Variants in ANKRD26 observed in about 807,000 individuals in gnomAD.
ANKRD26 encodes ankyrin repeat domain-containing protein 26.
ANKRD26 carries 141 observed loss-of-function variants against 208.7 expected under a neutral mutation model. That is an observed-to-expected ratio of 0.68 (90% CI 0.59 to 0.78). ANKRD26 has a LOEUF of 0.78. Among genes scored for constraint, ANKRD26 ranks in the 30% least tolerant of loss-of-function variants. The pLI is 0.00. For synonymous variants in ANKRD26, 636 were observed against 660.4 expected (o/e 0.96, Z 0.57); for missense variants, 1,889 against 1,938.7 (o/e 0.97, Z 0.48).
Position 27,035,363 on chromosome 10 carries a change from T to C in ANKRD26, c.3087A>G (p.Glu1029=), listed in dbSNP as rs1406853264. Residue 1029 remains glutamate, a synonymous_variant, in exon 24 of 34, where the codon GAA becomes GAG. Transcript: ENST00000376087. ...DRDQSETSKR[E]LELAFQRARD... ...TTGCTCTCTGGAAAGCAAGTTCTAG[T>C]TCTCTTTTTGATGTCTCACTTTGAT... The C allele has an allele frequency of 1.9e-6, 3 of 1,613,832 alleles. No individual in the cohort carries two copies. The highest frequency in any genetic ancestry group is 2.5e-6 in the Non-Finnish European group (3 of 1,179,934).
At chr10:27,060,585 CAA>C in intron 13 of ANKRD26, 45 bp from the exon 14 acceptor site, 5 of 1,333,648 alleles carry the variant, frequency 3.7e-6, no homozygotes, top group South Asian at 1.2e-5. Context: ...ATAAATATGA[CAA>C]AGTCAATCAT....
intron 5 of ANKRD26, among the ~76,000 whole-genome samples, chr10:26,979,734 C>T (rs1251476887): frequency 6.6e-6 from 1 of 152,188 alleles, no homozygotes; most frequent in Non-Finnish European, 1.5e-5. Context: ...CACCCCTAGT[C>T]TTCCTGAGTT....
At position 27,035,676 on chromosome 10, in the gene ANKRD26, C is replaced by T; in HGVS notation, c.2774G>A (p.Arg925Lys). 2 of 1,602,146 alleles carry T rather than the reference C, an allele frequency of 1.2e-6. No individual in the cohort carries two copies. The highest frequency in any genetic ancestry group is 2.2e-5 in the East Asian group (1 of 44,758). The change falls in exon 24 of 34, where the codon AGA becomes AAA. Residue 925 changes from arginine (R) to lysine (K), a missense_variant. Arg to Lys is a conservative substitution (Grantham distance 26). Coordinates refer to ENST00000376087, the MANE Select transcript of ANKRD26 (RefSeq NM_014915.3). ...ATTTTTTATTGTGTCTATTTCTAGT[C>T]TTAGCATAGCAATTTCTTCCTGCAA... ...SMLQEEIAML[R>K]LEIDTIKNQN...
At chr10:27,029,872 C>T (rs963934397) in intron 25 of ANKRD26, among the ~76,000 whole-genome samples, 1 of 152,068 alleles carries the variant, frequency 6.6e-6, no homozygotes, top group Admixed American at 6.6e-5. Flanking sequence ...CACACAGAAG[C>T]GGGAATGGCC....
At chr10:26,950,312 C>A in the ANKRD26 span, among the ~76,000 whole-genome samples, 1 of 152,376 alleles carries the variant, frequency 6.6e-6, no homozygotes, top group African/African-American at 2.4e-5. Flanking sequence ...TTCTCCTTCA[C>A]CCTCTGTGAT....
At chr10:27,058,916 T>C (rs1416542878) in intron 15 of ANKRD26, among the ~76,000 whole-genome samples, 1 of 96,168 alleles carries the variant, frequency 1.0e-5, no homozygotes, top group African/African-American at 2.8e-5. Flanking sequence ...TGTTTTTTGT[T>C]TTTTTGTTTT....
At chr10:27,051,686 G>A (rs942221625) in intron 16 of ANKRD26, 3 of 985,228 alleles carry the variant, frequency 3.0e-6, no homozygotes, top group Admixed American at 6.2e-5. Flanking sequence ...GAAATGAAAA[G>A]CCATTTTCGA....
At chr10:26,987,165 C>A, downstream of ANKRD26, among the ~76,000 whole-genome samples, 1 of 151,938 alleles carries the variant, frequency 6.6e-6, no homozygotes. Context: ...TCATTCTCAG[C>A]AAACTATTGC....
chr10:27,046,585 C>G, intron 17 of ANKRD26, 62 bp from the exon 18 acceptor site: 2 of 1,497,388 alleles, frequency 1.3e-6, no homozygotes, highest in Non-Finnish European at 1.8e-6. Context: ...AAACAACATG[C>G]AGAAAGAGAG....
chr10:27,023,609 G>T (rs1162219049), intron 28 of ANKRD26, among the ~76,000 whole-genome samples: 2 of 152,086 alleles, frequency 1.3e-5, no homozygotes, highest in African/African-American at 4.8e-5. Context: ...AGACACAAAG[G>T]CTGCTTTCAG....
chr10:27,080,696 T>C, intron 6 of ANKRD26: 1 of 985,494 alleles, frequency 1.0e-6, no homozygotes, highest in Non-Finnish European at 1.2e-6. Flanking sequence ...CTTTAAGTCT[T>C]CAGCCTATGA....
At position 27,060,341 on chromosome 10, in the gene ANKRD26, T is replaced by C. The variant is rs780515137; in HGVS notation, c.1564+4A>G. 6.3e-7 allele frequency: 1 copy of C among 1,597,514 alleles called. No individual in the cohort carries two copies. Among genetic ancestry groups the C allele is most frequent in the East Asian group, 2.2e-5 (1 of 44,676 alleles). ...CAAGATTAAATATATATTGCAACAT[T>C]TACCTGCTTTGGATGTTTGTACATC... On this transcript the variant is annotated splice_donor_region_variant and intron_variant, in intron 15 of 33. Transcript: ENST00000376087.
rs962803284 is a variant in ANKRD26, at chr10:27,077,757, C to T, written c.814-64G>A. 5.9e-6 allele frequency: 8 copies of T among 1,365,602 alleles called. 1 individual carries two copies. The highest frequency in any genetic ancestry group is 5.0e-4 in the Middle Eastern group (2 of 4,038). The allele number at this position is 1,365,602 out of a possible 1,614,324, so 84.6% of individuals were successfully genotyped here. A position where few individuals can be genotyped will look rare whatever the true frequency, so the allele number is the denominator to read the frequency against. ...CAAGTATCAAATTTGATAAAATAAT[C>T]GTAATAGATAGTCACCATTACTACA... is the stretch of plus-strand genomic sequence containing the variant. On this transcript the variant is annotated intron_variant, in intron 7 of 33. Transcript: ENST00000376087.
rs1366091149 is a variant in ANKRD26, at chr10:27,092,482, T to G, written c.562A>C (p.Ser188Arg). The G allele has an allele frequency of 6.2e-7, 1 of 1,613,658 alleles. No individual in the cohort carries two copies. The highest frequency in any genetic ancestry group is 1.1e-5 in the South Asian group (1 of 91,074). Residue 188 changes from serine (S) to arginine (R), a missense_variant, in exon 4 of 34, where the codon AGT becomes CGT. Transcript: ENST00000376087. ...DDLTPLLLAVSGKKQQMVEFL... is the reference protein window; with the variant it reads ...DDLTPLLLAVRGKKQQMVEFL... ...TCCACCATTTGCTGCTTTTTTCCAC[T>G]TACTGCAAGTAAAAGTGGTGTGAGG... is the stretch of plus-strand genomic sequence containing the variant.
At chr10:26,969,888 G>A (rs1055965936), downstream of ANKRD26, among the ~76,000 whole-genome samples, 2 of 150,562 alleles carry the variant, frequency 1.3e-5, no homozygotes, top group Non-Finnish European at 3.0e-5. Context: ...AGGCTGGTGT[G>A]CCGTGATGCG....
chr10:27,029,022 G>A, intron 26 of ANKRD26, 77 bp from the exon 27 acceptor site: 1 of 1,208,752 alleles, frequency 8.3e-7, no homozygotes, highest in Non-Finnish European at 1.2e-6. Context: ...GCAAACACCT[G>A]AAGGCATAAT....
downstream of ANKRD26, among the ~76,000 whole-genome samples, chr10:26,972,542 A>G (rs188567077): frequency 6.6e-6 from 1 of 151,852 alleles, no homozygotes; most frequent in Non-Finnish European, 1.5e-5. Flanking sequence ...TTAGTAAAAC[A>G]ACTATAACCA....
At chr10:27,000,802 G>A (rs899890589), downstream of ANKRD26, among the ~76,000 whole-genome samples, 5 of 152,072 alleles carry the variant, frequency 3.3e-5, no homozygotes, top group South Asian at 8.3e-4. Flanking sequence ...TCAGGAGATC[G>A]AGACCATCCT....
intron 20 of ANKRD26, 74 bp downstream of exon 20, chr10:27,043,352 T>G: frequency 6.5e-7 from 1 of 1,526,796 alleles, no homozygotes; most frequent in Non-Finnish European, 9.0e-7. Context: ...ATGCTAAATG[T>G]ACATACATTT....
Sources: allele counts gnomAD v4.1 joint callset (sites outside exome capture counted in the v4.1 genomes callset), GRCh38; gene constraint gnomAD v4.1.1; transcripts MANE v1.5; gene names NCBI Gene and HGNC (gene_info 2026-07-23, HGNC 2026-07-21).